Variants in PKNOX2 observed in about 807,000 individuals in gnomAD.
PKNOX2 encodes the protein PBX/knotted 1 homeobox 2.
PKNOX2 carries 14 observed loss-of-function variants against 53.1 expected under a neutral mutation model. That is an observed-to-expected ratio of 0.26 (90% CI 0.17 to 0.41). The LOEUF is 0.41. Ranked by LOEUF, PKNOX2 falls within the 10% of genes least tolerant of loss-of-function variation. The probability of loss-of-function intolerance (pLI) is 1.00; values close to 1 mark genes in which losing one functional copy is unlikely to be tolerated. For missense variants in PKNOX2, 496 were observed against 602.8 expected, an observed-to-expected ratio of 0.82 and a Z score of 1.85; for synonymous variants, 257 against 242.8, an observed-to-expected ratio of 1.06 and a Z score of -0.54.
intron 3 of PKNOX2, among the ~76,000 whole-genome samples, chr11:125,341,229 G>A (rs1228189352): frequency 4.7e-5 from 7 of 150,300 alleles, no homozygotes; most frequent in African/African-American, 1.5e-4. Context: ...GGTGGTGCAC[G>A]CCTGTAGTCC....
chr11:125,414,655 TAGAA>T (rs1320570276), intron 10 of PKNOX2, among the ~76,000 whole-genome samples: 8 of 151,694 alleles, frequency 5.3e-5, no homozygotes, highest in Admixed American at 6.6e-5. Context: ...CTAGGCACGG[TAGAA>T]AGAAGACAGG....
At chr11:125,232,133 A>T (rs910777780) in intron 1 of PKNOX2, among the ~76,000 whole-genome samples, 1 of 152,228 alleles carries the variant, frequency 6.6e-6, no homozygotes, top group Admixed American at 6.5e-5. Context: ...CCTATCCTCT[A>T]GAGCAACACA....
At chr11:125,309,225 TCTTC>T (rs1334084760) in intron 2 of PKNOX2, among the ~76,000 whole-genome samples, 5 of 149,318 alleles carry the variant, frequency 3.3e-5, no homozygotes, top group South Asian at 2.1e-4. Context: ...TCTCTCTCTT[TCTTC>T]CTTCCTTCCT....
At chr11:125,224,360 C>G (rs886301921) in intron 1 of PKNOX2, among the ~76,000 whole-genome samples, 1 of 152,246 alleles carries the variant, frequency 6.6e-6, no homozygotes, top group Non-Finnish European at 1.5e-5. Flanking sequence ...TTTTATCTAC[C>G]TGCCATCAGA....
intron 2 of PKNOX2, among the ~76,000 whole-genome samples, chr11:125,285,244 C>A (rs1383557332): frequency 6.6e-6 from 1 of 152,142 alleles, no homozygotes; most frequent in Non-Finnish European, 1.5e-5. Context: ...CTCCTACACA[C>A]AGTCTGCTGC....
chr11:125,382,996 G>C (rs930930708), intron 5 of PKNOX2, among the ~76,000 whole-genome samples: 1 of 152,094 alleles, frequency 6.6e-6, no homozygotes, highest in Admixed American at 6.5e-5. Context: ...TTAGGCATCG[G>C]CTTCCAAAAC....
rs373391503 is a variant in PKNOX2 at position 125,398,025 on chromosome 11, A to T, written c.551A>T (p.Tyr184Phe). The T allele has an allele frequency of 8.1e-6, 13 of 1,613,170 alleles. No individual in the cohort carries two copies. The East Asian group carries it at 2.7e-4, about 33-fold the overall frequency. ...NLLRNDLGGP[Y>F]SPNQPSINLH... Reference sequence around the variant, plus strand: ...CTCAGGAATGATCTAGGGGGGCCCTACTCCCCCAACCAGCCCTCCATCAAC... The same window carrying T: ...CTCAGGAATGATCTAGGGGGGCCCTTCTCCCCCAACCAGCCCTCCATCAAC... Residue 184 changes from tyrosine to phenylalanine, a missense_variant, in exon 7 of 13, where the codon TAC becomes TTC. Tyr to Phe is a conservative substitution (Grantham distance 22). This residue lies in a region of PKNOX2 where 141 missense variants were observed against 143.9 expected (regional missense o/e 0.98). Coordinates refer to ENST00000298282, the MANE Select transcript of PKNOX2 (RefSeq NM_001382323.2).
chr11:125,317,091 A>T (rs1028364318), intron 2 of PKNOX2, among the ~76,000 whole-genome samples: 1 of 152,260 alleles, frequency 6.6e-6, no homozygotes, highest in African/African-American at 2.4e-5. Context: ...TTCTTTGTTC[A>T]TCCATAAGAA....
At chr11:125,393,416 T>C (rs1173357049) in intron 6 of PKNOX2, among the ~76,000 whole-genome samples, 1 of 152,082 alleles carries the variant, frequency 6.6e-6, no homozygotes, top group Non-Finnish European at 1.5e-5. Flanking sequence ...TGAGAGAATA[T>C]GGAGAAGGTC....
chr11:125,319,769 A>T (rs192748096), intron 2 of PKNOX2, among the ~76,000 whole-genome samples: 1 of 152,382 alleles, frequency 6.6e-6, no homozygotes, highest in East Asian at 1.9e-4. Flanking sequence ...GAGATGTGAA[A>T]GCAAAGCAGG....
At position 125,217,219 on chromosome 11, in the gene PKNOX2, C is replaced by T. The variant is rs144274529; in HGVS notation, c.-200-17826C>T. Among the ~76,000 whole-genome samples the T allele has an allele frequency of 1.8e-3, 273 of 152,312 alleles. 1 individual carries two copies. The highest frequency in any genetic ancestry group is 6.0e-3 in the African/African-American group (251 of 41,562). On this transcript the variant is annotated intron_variant, in intron 1 of 12. Transcript: ENST00000298282. ...CTAGGAGCTTCTCTCTCCACTCTTC[C>T]ATCCCCTCCTTTCCCACTCCTGGAT...
At chr11:125,227,364 A>G (rs1273913617) in intron 1 of PKNOX2, among the ~76,000 whole-genome samples, 1 of 152,172 alleles carries the variant, frequency 6.6e-6, no homozygotes, top group Non-Finnish European at 1.5e-5. Flanking sequence ...TCAGTAAGCA[A>G]CAACTCCCCA....
At chr11:125,258,927 G>C in intron 2 of PKNOX2, 1 of 336,880 alleles carries the variant, frequency 3.0e-6, no homozygotes, top group Non-Finnish European at 6.0e-6. Context: ...AACAGTGACA[G>C]AAGCCGTGAA....
intron 4 of PKNOX2, among the ~76,000 whole-genome samples, chr11:125,351,733 C>T: frequency 6.6e-6 from 1 of 152,196 alleles, no homozygotes; most frequent in East Asian, 1.9e-4. Context: ...GGGGGAGACC[C>T]AGGTACCGGA....
intron 2 of PKNOX2, among the ~76,000 whole-genome samples, chr11:125,269,839 T>C (rs1466858426): frequency 6.6e-6 from 1 of 152,186 alleles, no homozygotes; most frequent in African/African-American, 2.4e-5. Context: ...CCTTGGACTT[T>C]TGGGGAGTTC....
chr11:125,183,598 A>G (rs1162573856), intron 1 of PKNOX2, among the ~76,000 whole-genome samples: 1 of 151,956 alleles, frequency 6.6e-6, no homozygotes, highest in East Asian at 1.9e-4. Flanking sequence ...CCTCTCTCTA[A>G]TGGAGGGTAA....
intron 1 of PKNOX2, among the ~76,000 whole-genome samples, chr11:125,229,805 C>T (rs892936845): frequency 7.2e-5 from 11 of 152,092 alleles, no homozygotes; most frequent in African/African-American, 2.7e-4. Context: ...GCAGGCCCAC[C>T]CTCATGCTCG....
chr11:125,348,576 C>G (rs917980794), intron 3 of PKNOX2, among the ~76,000 whole-genome samples: 1 of 152,220 alleles, frequency 6.6e-6, no homozygotes, highest in Non-Finnish European at 1.5e-5. Context: ...TGAACAGTCT[C>G]CTCTCAGCCT....
intron 2 of PKNOX2, among the ~76,000 whole-genome samples, chr11:125,238,428 A>G (rs1942902656): frequency 6.6e-6 from 1 of 152,190 alleles, no homozygotes; most frequent in African/African-American, 2.4e-5. Flanking sequence ...TTATGGGATG[A>G]TGTTATTATC....
Sources: allele counts gnomAD v4.1 joint callset (sites outside exome capture counted in the v4.1 genomes callset), GRCh38; gene constraint gnomAD v4.1.1; regional missense constraint gnomAD v4.1.1; transcripts MANE v1.5; gene names NCBI Gene and HGNC (gene_info 2026-07-23, HGNC 2026-07-21).